MTHFD1L: variants seen among roughly 807,000 people sequenced by gnomAD.
The protein encoded by MTHFD1L is methylenetetrahydrofolate dehydrogenase (NADP+ dependent) 1 like.
Under a neutral mutation model 119.5 loss-of-function variants are expected in MTHFD1L, and 81 were observed. That is an observed-to-expected ratio of 0.68 (90% confidence interval 0.57 to 0.82). The LOEUF (loss-of-function observed/expected upper bound fraction) is 0.82, where lower values mean the gene tolerates loss of function less well. Ranked by LOEUF, MTHFD1L falls within the 40% of genes least tolerant of loss-of-function variation. MTHFD1L has a pLI of 0.00. For synonymous variants in MTHFD1L, 430 were observed against 475.2 expected (o/e 0.90, Z 1.24); for missense variants, 1,125 against 1,253.4 (o/e 0.90, Z 1.55).
At chr6:150,909,649 T>C (rs1786530572) in intron 8 of MTHFD1L, among the ~76,000 whole-genome samples, 1 of 152,176 alleles carries the variant, frequency 6.6e-6, no homozygotes, top group South Asian at 2.1e-4. Context: ...CCCTAAATAT[T>C]AGGACTTATT....
intron 20 of MTHFD1L, among the ~76,000 whole-genome samples, chr6:150,992,651 T>A (rs1047434840): frequency 6.6e-6 from 1 of 152,176 alleles, no homozygotes; most frequent in Non-Finnish European, 1.5e-5. Context: ...ACATCTTCAC[T>A]TTTTTTAGAA....
At chr6:151,004,199 C>T (rs1416813071) in intron 20 of MTHFD1L, among the ~76,000 whole-genome samples, 2 of 151,794 alleles carry the variant, frequency 1.3e-5, no homozygotes, top group Non-Finnish European at 2.9e-5. Flanking sequence ...AAATCACGCT[C>T]CTGTAATCCC....
intron 26 of MTHFD1L, among the ~76,000 whole-genome samples, chr6:151,050,679 G>T (rs114805949): frequency 0.014 from 2,066 of 152,114 alleles, 52 homozygotes; most frequent in African/African-American, 0.046. Flanking sequence ...AGACAGGGTC[G>T]GAACTGAACT....
intron 20 of MTHFD1L, among the ~76,000 whole-genome samples, chr6:150,993,556 C>T (rs1431605635): frequency 6.6e-6 from 1 of 152,158 alleles, no homozygotes; most frequent in African/African-American, 2.4e-5. Flanking sequence ...AAGTGATCCT[C>T]CTGCCTCGGC....
intron 26 of MTHFD1L, among the ~76,000 whole-genome samples, chr6:151,048,844 G>A (rs1788519704): frequency 1.3e-5 from 2 of 152,194 alleles, no homozygotes; most frequent in African/African-American, 4.8e-5. Context: ...ACAATAGCAC[G>A]CTTCTGTGGC....
chr6:151,062,262 C>T (rs1790727456), intron 26 of MTHFD1L, among the ~76,000 whole-genome samples: 1 of 152,122 alleles, frequency 6.6e-6, no homozygotes, highest in Non-Finnish European at 1.5e-5. Context: ...CGATGAAACC[C>T]CGTCTCTACT....
At chr6:151,058,792 T>G (rs1790293078) in intron 26 of MTHFD1L, among the ~76,000 whole-genome samples, 1 of 152,228 alleles carries the variant, frequency 6.6e-6, no homozygotes, top group Non-Finnish European at 1.5e-5. Context: ...TTAACTTATT[T>G]AATAGCATCT....
chr6:151,013,707 G>T (rs143754731), intron 21 of MTHFD1L, 72 bp from the exon 22 acceptor site: 12 of 1,341,082 alleles, frequency 8.9e-6, no homozygotes, highest in Non-Finnish European at 1.3e-5. Flanking sequence ...TGATTATGTT[G>T]TTCTTTCTTT....
intron 26 of MTHFD1L, among the ~76,000 whole-genome samples, chr6:151,061,949 A>G (rs1421006777): frequency 1.8e-4 from 28 of 152,230 alleles, no homozygotes; most frequent in Non-Finnish European, 1.5e-5. Context: ...ACAAAATGGC[A>G]TTTAGGTTAT....
At chr6:151,041,844 A>G (rs564057100) in intron 26 of MTHFD1L, 71 of 531,920 alleles carry the variant, frequency 1.3e-4, no homozygotes, top group African/African-American at 1.2e-3. Flanking sequence ...TCCTTAAACA[A>G]TAAACATCTC....
intron 26 of MTHFD1L, chr6:151,041,649 C>G (rs1409974557): frequency 4.8e-5 from 18 of 377,640 alleles, no homozygotes; most frequent in South Asian, 6.5e-5. Flanking sequence ...AGCCCCACAG[C>G]TATGAGAAAG....
Position 151,037,685 on chromosome 6 carries a change from A to G in MTHFD1L, c.2847+568A>G, listed in dbSNP as rs9478164. ...ATTATTCTGTTATTTTGTGTTATCT[A>G]TGGGGGTAAAGGAGATGGGCAGATA... On this transcript the variant is annotated intron_variant, in intron 26 of 27. Transcript: ENST00000367321. Among the ~76,000 whole-genome samples, 1,179 of 152,274 alleles carry G rather than the reference A, an allele frequency of 7.7e-3. 17 individuals are homozygous for G. Among genetic ancestry groups the G allele is most frequent in the African/African-American group, 0.027 (1,113 of 41,542 alleles).
Position 150,946,109 on chromosome 6 carries a change from C to T in MTHFD1L, c.1623+568C>T, listed in dbSNP as rs999699337. Among the ~76,000 whole-genome samples, 9 of 152,022 alleles carry T rather than the reference C, an allele frequency of 5.9e-5. 2 individuals are homozygous for T. The South Asian group carries it at 1.7e-3, about 28-fold the overall frequency. On this transcript the variant is annotated intron_variant, in intron 15 of 27. Coordinates refer to ENST00000367321, the MANE Select transcript of MTHFD1L (RefSeq NM_015440.5). ...AAATTTCTAGGAAATTATAGGATAA[C>T]CTTTGAAAACTCATCTATCTCATTT... is the stretch of plus-strand genomic sequence containing the variant.
intron 20 of MTHFD1L, among the ~76,000 whole-genome samples, chr6:150,981,759 G>A (rs945768499): frequency 5.9e-5 from 9 of 152,108 alleles, no homozygotes; most frequent in East Asian, 5.8e-4. Context: ...TAATTTTCAC[G>A]TGTAATAATA....
chr6:151,084,513 A>C (rs1793532684), intron 26 of MTHFD1L, among the ~76,000 whole-genome samples: 1 of 152,134 alleles, frequency 6.6e-6, no homozygotes, highest in Non-Finnish European at 1.5e-5. Flanking sequence ...TCCTGGCCCC[A>C]AGCGATCCTC....
intron 26 of MTHFD1L, among the ~76,000 whole-genome samples, chr6:151,054,330 G>A (rs1789545965): frequency 6.6e-6 from 1 of 152,172 alleles, no homozygotes; most frequent in Non-Finnish European, 1.5e-5. Flanking sequence ...ATCTTATTTG[G>A]ACAGTAAATG....
chr6:151,045,271 G>A (rs1383983859), intron 26 of MTHFD1L, among the ~76,000 whole-genome samples: 1 of 152,080 alleles, frequency 6.6e-6, no homozygotes, highest in Non-Finnish European at 1.5e-5. Context: ...GCTGCACTTG[G>A]AGATGTGTAA....
intron 1 of MTHFD1L, chr6:150,866,477 C>CCGGGGTTCGGGAAGGGCAAG: frequency 7.6e-7 from 1 of 1,317,850 alleles, no homozygotes; most frequent in Non-Finnish European, 9.6e-7. Context: ...GCCGGCTGGC[C>CCGGGGTTCGGGAAGGGCAAG]CGGGGTTCGG....
At chr6:150,952,436 C>G (rs561750070) in intron 16 of MTHFD1L, among the ~76,000 whole-genome samples, 5 of 152,272 alleles carry the variant, frequency 3.3e-5, no homozygotes, top group African/African-American at 9.6e-5. Context: ...TCAGGGTGCA[C>G]GGTGGTGGGA....
Sources: gnomAD v4.1 joint callset for allele counts (sites outside exome capture counted in the v4.1 genomes callset) on GRCh38, gnomAD v4.1.1 for gene constraint, MANE v1.5 for transcripts, NCBI Gene and HGNC (gene_info 2026-07-23, HGNC 2026-07-21) for gene names.